Variants in ASTN2 observed in about 807,000 individuals in gnomAD.
ASTN2 encodes the protein astrotactin 2, also known as astrotactin-2.
ASTN2 carries 54 observed loss-of-function variants against 139.8 expected under a neutral mutation model. The observed-to-expected ratio is 0.39, with a 90% CI of 0.31 to 0.48. The LOEUF (loss-of-function observed/expected upper bound fraction) is 0.48. ASTN2 is among the 20% of genes least tolerant of loss of function. The probability of loss-of-function intolerance (pLI) is 0.95; values close to 1 mark genes in which losing one functional copy is unlikely to be tolerated. For synonymous variants in ASTN2, 756 were observed against 719.5 expected (o/e 1.05, Z -0.81); for missense variants, 1,565 against 1,725.1 (o/e 0.91, Z 1.64).
rs1459421780 is a variant in ASTN2, at chr9:117,256,478, G to A, written c.630+34848C>T. Among the ~76,000 whole-genome samples, 3 of 152,152 alleles carry A rather than the reference G, an allele frequency of 2.0e-5. No individual in the cohort carries two copies. The East Asian group carries it at 5.8e-4, about 29-fold the overall frequency. The stretch of plus-strand genomic sequence containing the variant: ...AGGCACTAAGGTTCCCATCTTAAAG[G>A]TAAAGCAAGTGAGGCTTAGAGAGAT... On this transcript the variant is annotated intron_variant, in intron 2 of 22. Coordinates refer to ENST00000313400, the MANE Select transcript of ASTN2 (RefSeq NM_001365068.1).
intron 6 of ASTN2, among the ~76,000 whole-genome samples, chr9:117,032,355 T>A (rs1447821104): frequency 6.6e-6 from 1 of 151,928 alleles, no homozygotes; most frequent in Non-Finnish European, 1.5e-5. Flanking sequence ...TGCAAATGAG[T>A]TAACAAAGAA....
intron 6 of ASTN2, among the ~76,000 whole-genome samples, chr9:117,028,094 A>G (rs1358314136): frequency 6.6e-6 from 1 of 152,162 alleles, no homozygotes; most frequent in Non-Finnish European, 1.5e-5. Context: ...AGTTAATCCC[A>G]GAATCTAAGT....
chr9:116,757,613 A>C lies in ASTN2; in HGVS notation c.2397-24090T>G, dbSNP rs1829567306. 2.0e-5 allele frequency among the ~76,000 whole-genome samples: 3 copies of C among 152,074 alleles called. 1 individual carries two copies. Among genetic ancestry groups the C allele is most frequent in the African/African-American group, 2.4e-5 (1 of 41,400 alleles). ...TGTATGTGGACAAGCATCCTCAAAA[A>C]ATGGCCAACCCCCTTGCATGGTAGA... is the stretch of plus-strand genomic sequence containing the variant. On this transcript the variant is annotated intron_variant, in intron 13 of 22. Transcript: ENST00000313400.
chr9:117,136,994 A>G (rs1829966314), intron 4 of ASTN2, among the ~76,000 whole-genome samples: 1 of 151,950 alleles, frequency 6.6e-6, no homozygotes, highest in Non-Finnish European at 1.5e-5. Flanking sequence ...AAAAACCGCT[A>G]CCTAAACTAA....
At chr9:116,792,243 A>C (rs1215185587) in intron 13 of ASTN2, among the ~76,000 whole-genome samples, 1 of 152,130 alleles carries the variant, frequency 6.6e-6, no homozygotes, top group Non-Finnish European at 1.5e-5. Flanking sequence ...CCCCAGTCAA[A>C]CTAATGGGTG....
chr9:116,780,543 C>G (rs942229334), intron 13 of ASTN2, among the ~76,000 whole-genome samples: 2 of 152,120 alleles, frequency 1.3e-5, no homozygotes, highest in African/African-American at 4.8e-5. Flanking sequence ...GAAGTGAAGA[C>G]AGTAAGTTTC....
At chr9:116,681,853 A>T (rs1289124440) in intron 16 of ASTN2, among the ~76,000 whole-genome samples, 1 of 151,140 alleles carries the variant, frequency 6.6e-6, no homozygotes, top group East Asian at 1.9e-4. Flanking sequence ...TCCCTTCCTT[A>T]CACCTTATAC....
chr9:117,239,000 T>C (rs989548194), intron 2 of ASTN2, among the ~76,000 whole-genome samples: 5 of 152,234 alleles, frequency 3.3e-5, no homozygotes, highest in African/African-American at 1.2e-4. Flanking sequence ...CCAGGCAGCA[T>C]GTTCTTCTTT....
rs144947314 is a variant in ASTN2 at position 117,309,013 on chromosome 9, A to G, written c.443-17500T>C. 5.9e-4 allele frequency among the ~76,000 whole-genome samples: 90 copies of G among 152,320 alleles called. 4 individuals carry two copies. In the East Asian group the frequency reaches 0.017, roughly 28 times the overall value. On this transcript the variant is annotated intron_variant, in intron 1 of 22. Coordinates refer to ENST00000313400, the MANE Select transcript of ASTN2 (RefSeq NM_001365068.1). Reference sequence around the variant, plus strand: ...TTACCACTATGGGCATTAATTATCCATCAAGCCTATTATGCATGTTTTCCT... The same window carrying G: ...TTACCACTATGGGCATTAATTATCCGTCAAGCCTATTATGCATGTTTTCCT...
intron 2 of ASTN2, among the ~76,000 whole-genome samples, chr9:117,251,044 G>A (rs1833521812): frequency 6.6e-6 from 1 of 152,158 alleles, no homozygotes; most frequent in Non-Finnish European, 1.5e-5. Context: ...AGAACAAGAA[G>A]GAGTGGGAGC....
intron 5 of ASTN2, among the ~76,000 whole-genome samples, chr9:117,041,729 C>G (rs1838578031): frequency 1.3e-5 from 2 of 152,184 alleles, no homozygotes; most frequent in Non-Finnish European, 2.9e-5. Context: ...ACTCATACCT[C>G]CTGTGCTCTG....
intron 4 of ASTN2, among the ~76,000 whole-genome samples, chr9:117,123,042 C>T (rs1215104840): frequency 6.6e-6 from 1 of 152,034 alleles, no homozygotes; most frequent in Non-Finnish European, 1.5e-5. Context: ...AAGAGGAAGC[C>T]AAGGATGGGA....
intron 3 of ASTN2, among the ~76,000 whole-genome samples, chr9:117,154,269 C>T (rs536985527): frequency 6.3e-4 from 96 of 152,140 alleles, no homozygotes; most frequent in African/African-American, 2.3e-3. Flanking sequence ...TGGGATTTTC[C>T]ATTTAATGGC....
At chr9:116,816,129 T>G (rs1003500946) in intron 12 of ASTN2, among the ~76,000 whole-genome samples, 3 of 152,162 alleles carry the variant, frequency 2.0e-5, no homozygotes, top group Non-Finnish European at 4.4e-5. Context: ...ATGATTCCTA[T>G]CTTTATATGA....
chr9:116,919,083 A>G (rs1468458827), intron 10 of ASTN2, among the ~76,000 whole-genome samples: 1 of 152,096 alleles, frequency 6.6e-6, no homozygotes, highest in African/African-American at 2.4e-5. Flanking sequence ...GGCTTCCCAC[A>G]GAGGATGTTT....
intron 1 of ASTN2, among the ~76,000 whole-genome samples, chr9:117,367,360 G>A (rs977918807): frequency 6.6e-6 from 1 of 152,196 alleles, no homozygotes; most frequent in African/African-American, 2.4e-5. Flanking sequence ...GAGCTATGGA[G>A]CAACAGCCAG....
intron 16 of ASTN2, chr9:116,697,511 C>T (rs1860922752): frequency 3.6e-6 from 2 of 548,962 alleles, no homozygotes; most frequent in South Asian, 4.2e-5. Flanking sequence ...CTATCTGTCA[C>T]CCTCACGTGA....
chr9:116,762,590 T>A (rs1270483169), intron 13 of ASTN2, among the ~76,000 whole-genome samples: 1 of 152,252 alleles, frequency 6.6e-6, no homozygotes, highest in African/African-American at 2.4e-5. Flanking sequence ...GTTTTTACAT[T>A]TTTTATTGCC....
At chr9:116,466,725 G>A (rs996508470) in intron 20 of ASTN2, among the ~76,000 whole-genome samples, 5 of 152,128 alleles carry the variant, frequency 3.3e-5, no homozygotes, top group Admixed American at 6.6e-5. Context: ...TACCCTTAGA[G>A]AATAAATATG....
Sources: gnomAD v4.1 joint callset for allele counts (sites outside exome capture counted in the v4.1 genomes callset) on GRCh38, gnomAD v4.1.1 for gene constraint, MANE v1.5 for transcripts, NCBI Gene and HGNC (gene_info 2026-07-23, HGNC 2026-07-21) for gene names.